The following MATK variants were observed in gnomAD, a reference collection of about 807,000 sequenced individuals.
The protein encoded by MATK is megakaryocyte-associated tyrosine-protein kinase.
Under a neutral mutation model 59.8 loss-of-function variants are expected in MATK, and 41 were observed. The observed-to-expected ratio is 0.69, with a 90% CI of 0.53 to 0.89. The LOEUF (loss-of-function observed/expected upper bound fraction) is 0.89. Among genes scored for constraint, MATK ranks in the 40% least tolerant of loss-of-function variants. The pLI is 0.00. For synonymous variants in MATK, 308 were observed against 306.1 expected (o/e 1.01, Z -0.06); for missense variants, 593 against 719.6 (o/e 0.82, Z 2.01).
chr19:3,782,863 T>G (rs1599197697), intron 7 of MATK: 4 of 485,130 alleles, frequency 8.2e-6, no homozygotes, highest in East Asian at 3.6e-5. Flanking sequence ...GAGGATGGGG[T>G]GGGTGGAGGT....
intron 1 of MATK, among the ~76,000 whole-genome samples, chr19:3,792,808 G>A (rs750224402): frequency 3.3e-5 from 5 of 152,120 alleles, no homozygotes; most frequent in African/African-American, 7.2e-5. Flanking sequence ...GTGAGCCACC[G>A]TTTCCAGCCT....
intron 1 of MATK, among the ~76,000 whole-genome samples, chr19:3,794,017 G>T (rs893273638): frequency 1.3e-5 from 2 of 152,068 alleles, no homozygotes; most frequent in African/African-American, 4.8e-5. Context: ...CTCAGGCATG[G>T]GGCAGCCACA....
Position 3,779,051 on chromosome 19 carries a change from C to A in MATK, c.1138G>T (p.Gly380Trp). ...ACGGGCAGCCGGCTTGAGTCTAGCC[C>A]CTTCCGCTCGGCTTTGGCCAGGCCA... Reference protein sequence around the residue: ...DFGLAKAERKGLDSSRLPVKW... With the variant: ...DFGLAKAERKWLDSSRLPVKW... The change falls in exon 12 of 14, where the codon GGG becomes TGG. Residue 380 changes from glycine to tryptophan, a missense_variant. Gly to Trp is a radical substitution (Grantham distance 184, BLOSUM62 -2). Transcript: ENST00000310132. 6.2e-7 allele frequency: 1 copy of A among 1,605,064 alleles called. No individual in the cohort carries two copies. The highest frequency in any genetic ancestry group is 1.3e-5 in the African/African-American group (1 of 74,942).
At chr19:3,778,466 G>A (rs780352317) in intron 13 of MATK, 43 bp downstream of exon 13, 43 of 1,613,726 alleles carry the variant, frequency 2.7e-5, no homozygotes, top group Non-Finnish European at 3.3e-5. Context: ...CACAGCCTCT[G>A]GACCTGCCCG....
At chr19:3,793,760 T>A (rs902900538) in intron 1 of MATK, among the ~76,000 whole-genome samples, 1 of 151,902 alleles carries the variant, frequency 6.6e-6, no homozygotes, top group Admixed American at 6.6e-5. Context: ...TCCCAGCTAC[T>A]CGGGAAGCTG....
At chr19:3,788,100 ATATTATATTATATTATATTATATT>A (rs1568409370), upstream of MATK, among the ~76,000 whole-genome samples, 92 of 74,900 alleles carry the variant, frequency 1.2e-3, no homozygotes, top group African/African-American at 4.4e-3. Flanking sequence ...ATTAATATTT[ATATTATATTATATTATATTATATT>A]ATATTATATT....
intron 1 of MATK, chr19:3,793,501 A>G (rs2037563140): frequency 6.6e-6 from 1 of 152,200 alleles, no homozygotes; most frequent in South Asian, 2.1e-4. Context: ...CAGGAGATCG[A>G]GATCATTCTG....
chr19:3,784,579 A>G, intron 3 of MATK, 128 bp from the exon 4 acceptor site: 1 of 685,424 alleles, frequency 1.5e-6, no homozygotes, highest in East Asian at 2.7e-5. Context: ...AGAGGCAGAG[A>G]AAACAGACGC....
At chr19:3,795,981 C>T (rs1025324132) in intron 1 of MATK, among the ~76,000 whole-genome samples, 29 of 151,068 alleles carry the variant, frequency 1.9e-4, no homozygotes, top group African/African-American at 6.1e-4. Context: ...AGGCTGGTCT[C>T]GAACTCCTGA....
rs373382070 is a variant in MATK, at chr19:3,781,626, G to A, written c.723C>T (p.Ile241=). 76 of 1,613,730 alleles carry A rather than the reference G, an allele frequency of 4.7e-5. No homozygotes were observed. In the Middle Eastern group the frequency reaches 6.6e-4, roughly 14 times the overall value. Reference sequence around the variant, plus strand: ...ACTCACCTCCAAACTCTCCCTCTCCGATCTGTGCTCCCAATGTCAAATGCT... The same window carrying A: ...ACTCACCTCCAAACTCTCCCTCTCCAATCTGTGCTCCCAATGTCAAATGCT... ...NLQHLTLGAQ[I]GEGEFGAVLQ... Residue 241 remains isoleucine, a synonymous_variant, in exon 8 of 14, where the codon ATC becomes ATT. Transcript: ENST00000310132.
At chr19:3,791,402 G>A (rs1038900814), upstream of MATK, among the ~76,000 whole-genome samples, 4 of 151,092 alleles carry the variant, frequency 2.6e-5, no homozygotes, top group African/African-American at 9.8e-5. Flanking sequence ...GAGTCCAGTG[G>A]CACGATTTCG....
intron 1 of MATK, among the ~76,000 whole-genome samples, chr19:3,795,434 G>A (rs1053217314): frequency 4.0e-5 from 6 of 151,770 alleles, no homozygotes; most frequent in South Asian, 2.1e-4. Context: ...CACCACACCC[G>A]GCTAATTTTT....
chr19:3,782,606 C>G (rs1319658120), intron 7 of MATK, among the ~76,000 whole-genome samples: 1 of 152,138 alleles, frequency 6.6e-6, no homozygotes, highest in Non-Finnish European at 1.5e-5. Context: ...GCAGATGAGG[C>G]TGGAAAGGTG....
rs1208831482 is a variant in MATK, at chr19:3,779,303, A to G, written c.1001+75T>C. The G allele has an allele frequency of 2.5e-5, 39 of 1,582,480 alleles. 1 individual carries two copies. The South Asian group carries it at 4.2e-4, about 17-fold the overall frequency. ...ACAAAGCCTCCCTGCCCCGTGCCTC[A>G]GTTTCCCCTTGATGGATCTTGGAAT... On this transcript the variant is annotated intron_variant, in intron 11 of 13. Transcript: ENST00000310132.
chr19:3,786,410 G>A (rs1190826580), upstream of MATK: 4 of 979,902 alleles, frequency 4.1e-6, no homozygotes, highest in African/African-American at 1.8e-5. The surrounding 1 kb of genome is among the most constrained non-coding windows in gnomAD (Gnocchi z 4.1). Context: ...CGCCGCCGCC[G>A]CCGGCCCCTC....
At chr19:3,794,440 G>A (rs918362609) in intron 1 of MATK, among the ~76,000 whole-genome samples, 2 of 152,126 alleles carry the variant, frequency 1.3e-5, no homozygotes, top group African/African-American at 4.8e-5. Context: ...GATTGCTTGA[G>A]CCCTGCCATT....
At chr19:3,793,737 C>T (rs2037566344) in intron 1 of MATK, among the ~76,000 whole-genome samples, 1 of 151,264 alleles carries the variant, frequency 6.6e-6, no homozygotes, top group Non-Finnish European at 1.5e-5. Flanking sequence ...GGCGTGGTGG[C>T]ATGTGCCTAT....
upstream of MATK, among the ~76,000 whole-genome samples, chr19:3,791,354 T>C (rs1177600301): frequency 6.6e-6 from 1 of 150,790 alleles, no homozygotes; most frequent in Non-Finnish European, 1.5e-5. Context: ...CCCCCCACTT[T>C]TTTTTTTTTG....
intron 1 of MATK, among the ~76,000 whole-genome samples, chr19:3,797,655 G>A (rs191672074): frequency 6.6e-6 from 1 of 152,134 alleles, no homozygotes; most frequent in East Asian, 1.9e-4. Flanking sequence ...GGACAAACTT[G>A]GCTGTGTGTG....
Sources: gnomAD v4.1 joint callset for allele counts (sites outside exome capture counted in the v4.1 genomes callset) on GRCh38, gnomAD v4.1.1 for gene constraint, Gnocchi (gnomAD v3.1) non-coding constraint, MANE v1.5 for transcripts, NCBI Gene and HGNC (gene_info 2026-07-23, HGNC 2026-07-21) for gene names.